CFAP299: variants seen among roughly 807,000 people sequenced by gnomAD.
CFAP299 encodes cilia and flagella associated protein 299.
In CFAP299, 21 loss-of-function variants were observed where a neutral mutation model predicts 27.0. The ratio of observed to expected loss-of-function variants is 0.78; its 90% CI spans 0.55 to 1.12. CFAP299 has a LOEUF of 1.12. CFAP299 is among the 50% of genes most tolerant of loss of function. The pLI is 0.00. For missense variants in CFAP299, 310 were observed against 276.6 expected (o/e 1.12, Z -0.86); for synonymous variants, 104 against 98.1 (o/e 1.06, Z -0.36).
chr4:80,919,940 C>A (rs1290889873), intron 4 of CFAP299, among the ~76,000 whole-genome samples: 1 of 152,224 alleles, frequency 6.6e-6, no homozygotes, highest in Non-Finnish European at 1.5e-5. Flanking sequence ...ATGTAGGCTA[C>A]AAACATTAGT....
chr4:80,829,652 T>C (rs55906439), intron 3 of CFAP299, among the ~76,000 whole-genome samples: 6,586 of 152,144 alleles, frequency 0.043, 497 homozygotes, highest in African/African-American at 0.15. Context: ...TTAATCGTAA[T>C]AGCTACAACA....
At chr4:80,700,284 T>G (rs947496695) in intron 3 of CFAP299, among the ~76,000 whole-genome samples, 2 of 152,252 alleles carry the variant, frequency 1.3e-5, no homozygotes, top group Admixed American at 6.5e-5. Flanking sequence ...TTCATAGGAC[T>G]TTTGTGAACA....
chr4:80,774,630 A>T (rs1726419517), intron 3 of CFAP299, among the ~76,000 whole-genome samples: 3 of 151,986 alleles, frequency 2.0e-5, no homozygotes, highest in African/African-American at 7.2e-5. Flanking sequence ...AATAATATAA[A>T]TATATATTGT....
intron 2 of CFAP299, among the ~76,000 whole-genome samples, chr4:80,409,358 A>G (rs533975922): frequency 2.0e-5 from 3 of 152,294 alleles, no homozygotes; most frequent in East Asian, 3.9e-4. Context: ...ATTATAAAGT[A>G]CAAATTAAAA....
At chr4:80,464,340 G>A (rs547443929) in intron 2 of CFAP299, among the ~76,000 whole-genome samples, 1 of 152,244 alleles carries the variant, frequency 6.6e-6, no homozygotes, top group Non-Finnish European at 1.5e-5. Context: ...TTACTCTTTT[G>A]TGCTTCTACT....
At chr4:80,925,011 T>G (rs1355865081) in intron 4 of CFAP299, among the ~76,000 whole-genome samples, 1 of 151,926 alleles carries the variant, frequency 6.6e-6, no homozygotes, top group Non-Finnish European at 1.5e-5. Context: ...ACATTTTCCC[T>G]ATTTGTTGTT....
chr4:80,331,459 A>G (rs935597043), upstream of CFAP299, among the ~76,000 whole-genome samples: 6 of 152,204 alleles, frequency 3.9e-5, no homozygotes, highest in Non-Finnish European at 1.5e-5. Context: ...GGAAACCAGA[A>G]AAGATTATAT....
At chr4:80,550,262 T>C (rs1441373715) in intron 2 of CFAP299, among the ~76,000 whole-genome samples, 2 of 152,094 alleles carry the variant, frequency 1.3e-5, no homozygotes, top group Non-Finnish European at 2.9e-5. Flanking sequence ...AAATCGTGAA[T>C]AAGACCTGTG....
At chr4:80,332,837 G>T (rs556346548), upstream of CFAP299, among the ~76,000 whole-genome samples, 3 of 152,274 alleles carry the variant, frequency 2.0e-5, no homozygotes, top group South Asian at 6.2e-4. Flanking sequence ...CACTCAGGGG[G>T]AGTGGAGTTT....
chr4:80,769,396 CTATT>C (rs544951580), intron 3 of CFAP299, among the ~76,000 whole-genome samples: 16 of 151,874 alleles, frequency 1.1e-4, no homozygotes, highest in African/African-American at 3.4e-4. Flanking sequence ...TATATAATTC[CTATT>C]TATTTATTTT....
At chr4:80,858,938 G>C (rs369418787) in intron 3 of CFAP299, among the ~76,000 whole-genome samples, 1 of 151,904 alleles carries the variant, frequency 6.6e-6, no homozygotes, top group Non-Finnish European at 1.5e-5. Flanking sequence ...GCTTGGTGCA[G>C]AGCTGAGTTC....
chr4:80,613,203 C>T (rs915576221), intron 3 of CFAP299, among the ~76,000 whole-genome samples: 7 of 151,966 alleles, frequency 4.6e-5, no homozygotes, highest in Admixed American at 6.6e-5. Context: ...TCACCTATAC[C>T]AGTTTAAATA....
intron 3 of CFAP299, among the ~76,000 whole-genome samples, chr4:80,691,894 C>T (rs551731815): frequency 6.6e-6 from 1 of 152,078 alleles, no homozygotes; most frequent in Admixed American, 6.5e-5. Flanking sequence ...TTCTTATACA[C>T]CAACAACAGA....
At chr4:80,322,979 C>T in the CFAP299 span, among the ~76,000 whole-genome samples, 6 of 152,156 alleles carry the variant, frequency 3.9e-5, no homozygotes, top group Admixed American at 3.3e-4. Context: ...AAATGTATTA[C>T]TCAGAGAAAG....
intron 2 of CFAP299, among the ~76,000 whole-genome samples, chr4:80,519,927 C>T (rs2110173410): frequency 6.6e-6 from 1 of 152,236 alleles, no homozygotes; most frequent in South Asian, 2.1e-4. Context: ...GAGCTCTGAA[C>T]ACATAATTTT....
intron 1 of CFAP299, among the ~76,000 whole-genome samples, chr4:80,359,337 C>G (rs887865397): frequency 6.6e-6 from 1 of 152,062 alleles, no homozygotes; most frequent in Non-Finnish European, 1.5e-5. Flanking sequence ...CTGGGGTTCT[C>G]TGCATTTTCT....
At chr4:80,482,768 A>G (rs898628711) in intron 2 of CFAP299, among the ~76,000 whole-genome samples, 1 of 152,322 alleles carries the variant, frequency 6.6e-6, no homozygotes, top group African/African-American at 2.4e-5. Context: ...TCCACCCAGT[A>G]GACATTAAAT....
chr4:80,714,631 A>G (rs1722369924), intron 3 of CFAP299, among the ~76,000 whole-genome samples: 1 of 152,140 alleles, frequency 6.6e-6, no homozygotes, highest in Non-Finnish European at 1.5e-5. Context: ...GAGTCCATCA[A>G]GAAAACGCTC....
At chr4:80,791,347 C>A (rs1225059501) in intron 3 of CFAP299, among the ~76,000 whole-genome samples, 1 of 152,004 alleles carries the variant, frequency 6.6e-6, no homozygotes, top group Non-Finnish European at 1.5e-5. Flanking sequence ...AAATATTTAA[C>A]CTCCTTGACT....
Sources: allele counts gnomAD v4.1 joint callset (sites outside exome capture counted in the v4.1 genomes callset), GRCh38; gene constraint gnomAD v4.1.1; transcripts MANE v1.5; gene names NCBI Gene and HGNC (gene_info 2026-07-23, HGNC 2026-07-21).